The following ARHGAP22 variants were observed in gnomAD, a reference collection of about 807,000 sequenced individuals.
ARHGAP22 encodes Rho GTPase activating protein 22.
ARHGAP22 carries 48 observed loss-of-function variants against 59.1 expected under a neutral mutation model. The ratio of observed to expected loss-of-function variants is 0.81; its 90% CI spans 0.64 to 1.03. The LOEUF (loss-of-function observed/expected upper bound fraction) is 1.03, where lower values mean the gene tolerates loss of function less well. Among genes scored for constraint, ARHGAP22 ranks in the 50% least tolerant of loss-of-function variants. The pLI, the probability that ARHGAP22 is intolerant of heterozygous loss-of-function variation, is 0.00. For missense variants in ARHGAP22, 1,015 were observed against 958.7 expected, an observed-to-expected ratio of 1.06 and a Z score of -0.78; for synonymous variants, 445 against 416.4, an observed-to-expected ratio of 1.07 and a Z score of -0.84.
At chr10:48,645,172 G>A (rs2136184040) in intron 1 of ARHGAP22, among the ~76,000 whole-genome samples, 1 of 152,166 alleles carries the variant, frequency 6.6e-6, no homozygotes, top group South Asian at 2.1e-4. Flanking sequence ...ACATGCACGT[G>A]CCCCCACCTC....
chr10:48,588,995 C>T (rs2059596115), intron 1 of ARHGAP22, among the ~76,000 whole-genome samples: 1 of 152,210 alleles, frequency 6.6e-6, no homozygotes, highest in African/African-American at 2.4e-5. Context: ...AGAAGCTAGC[C>T]TGGCACTTGC....
intron 3 of ARHGAP22, among the ~76,000 whole-genome samples, chr10:48,541,733 G>T (rs2055959714): frequency 1.3e-5 from 2 of 152,232 alleles, no homozygotes; most frequent in Admixed American, 6.5e-5. Context: ...GTCCAGGCAG[G>T]CAGTCCTATT....
downstream of ARHGAP22, among the ~76,000 whole-genome samples, chr10:48,443,292 G>A (rs1038963848): frequency 6.8e-6 from 1 of 146,706 alleles, no homozygotes; most frequent in African/African-American, 2.4e-5. Context: ...GTGAGTTAAT[G>A]TAAAGCTCTC....
intron 2 of ARHGAP22, among the ~76,000 whole-genome samples, chr10:48,561,456 A>C (rs961864177): frequency 6.6e-6 from 1 of 152,212 alleles, no homozygotes; most frequent in African/African-American, 2.4e-5. Context: ...TGGATACAAC[A>C]TCAGAAGCTT....
chr10:48,493,929 A>G (rs1237390317), intron 3 of ARHGAP22, among the ~76,000 whole-genome samples: 1 of 152,216 alleles, frequency 6.6e-6, no homozygotes, highest in East Asian at 1.9e-4. Flanking sequence ...CCCACCAGGT[A>G]TTGGAGATTA....
intron 2 of ARHGAP22, among the ~76,000 whole-genome samples, chr10:48,561,344 T>C (rs1564885587): frequency 6.6e-6 from 1 of 152,130 alleles, no homozygotes; most frequent in East Asian, 1.9e-4. Context: ...ACACCATATA[T>C]AAAAATATAC....
intron 1 of ARHGAP22, among the ~76,000 whole-genome samples, chr10:48,586,549 C>T (rs976921120): frequency 6.6e-6 from 1 of 152,140 alleles, no homozygotes; most frequent in Non-Finnish European, 1.5e-5. Flanking sequence ...CTCTCTGGCC[C>T]CTGGCCCTTT....
At chr10:48,569,498 AAT>A (rs1280590191) in intron 2 of ARHGAP22, among the ~76,000 whole-genome samples, 15 of 152,374 alleles carry the variant, frequency 9.8e-5, no homozygotes, top group Admixed American at 3.3e-4. Flanking sequence ...CAATGAATAA[AAT>A]ATGTTTCCCA....
chr10:48,434,796 A>G, the ARHGAP22 span: 5 of 1,210,186 alleles, frequency 4.1e-6, no homozygotes, highest in Non-Finnish European at 5.6e-6. Context: ...AGAGAAAAAA[A>G]TTACCACTGG....
intron 2 of ARHGAP22, among the ~76,000 whole-genome samples, chr10:48,578,052 G>A (rs1158643718): frequency 3.3e-5 from 5 of 151,946 alleles, no homozygotes; most frequent in African/African-American, 2.4e-5. Context: ...CAAATGATCT[G>A]CCTGCCTTGG....
intron 1 of ARHGAP22, among the ~76,000 whole-genome samples, chr10:48,629,865 A>G (rs1340143394): frequency 6.6e-6 from 1 of 152,060 alleles, no homozygotes; most frequent in African/African-American, 2.4e-5. Flanking sequence ...TCAATCTCTG[A>G]TTTTTTTCCA....
chr10:48,629,481 C>T lies in ARHGAP22; in HGVS notation c.52+22753G>A, dbSNP rs532777870. 7.2e-5 allele frequency among the ~76,000 whole-genome samples: 11 copies of T among 152,330 alleles called. No individual in the cohort carries two copies. In the South Asian group the frequency reaches 2.3e-3, roughly 32 times the overall value. On this transcript the variant is annotated intron_variant, in intron 1 of 9. Transcript: ENST00000435790. ...GTAAAAAGTGTAAGGCCTATCCTTT[C>T]TCCATTGAATTACCTTGGCTCTCAT... is the stretch of plus-strand genomic sequence containing the variant.
intron 1 of ARHGAP22, among the ~76,000 whole-genome samples, chr10:48,629,563 A>C (rs2061560825): frequency 6.6e-6 from 1 of 152,130 alleles, no homozygotes; most frequent in African/African-American, 2.4e-5. Context: ...ATTTGATTCC[A>C]TTCATCCACG....
intron 4 of ARHGAP22, among the ~76,000 whole-genome samples, chr10:48,472,947 A>C (rs1423423082): frequency 1.3e-5 from 2 of 152,236 alleles, no homozygotes; most frequent in African/African-American, 4.8e-5. Context: ...GCTCCTCAAA[A>C]AATTAAAAAT....
rs1414534763 is a variant in ARHGAP22, at chr10:48,459,890, C to A, written c.453G>T (p.Gly151=). 6.2e-6 allele frequency: 10 copies of A among 1,611,584 alleles called. 1 individual carries two copies. In the Admixed American group the frequency reaches 1.7e-4, roughly 27 times the overall value. Residue 151 remains glycine, a splice_region_variant and synonymous_variant, in exon 5 of 10, where the codon GGG becomes GGT. Transcript: ENST00000249601. ...TTTCCTCTAGGCGCTGCCCAAAGAT[C>A]CCTGAGCACAGAGAGGAGCTAGTCA... ...RRVIWAPLGG[G]IFGQRLEETV... is the part of the protein sequence containing the mutation.
rs775938380 is a variant in ARHGAP22, at chr10:48,483,348, C to A, written c.323-3584G>T. Among the ~76,000 whole-genome samples, 221 of 152,234 alleles carry A rather than the reference C, an allele frequency of 1.5e-3. 1 individual carries two copies. The highest frequency in any genetic ancestry group is 3.4e-3 in the Middle Eastern group (1 of 294). On this transcript the variant is annotated intron_variant, in intron 3 of 9. Coordinates refer to ENST00000249601, the MANE Select transcript of ARHGAP22 (RefSeq NM_021226.4). ...CACTGCCAAGGTCTGATTTTTCCCC[C>A]AAAAATTTGCAACCTCCGGCATAAA...
chr10:48,557,381 A>C (rs1265015461), intron 2 of ARHGAP22, among the ~76,000 whole-genome samples: 1 of 152,172 alleles, frequency 6.6e-6, no homozygotes, highest in Non-Finnish European at 1.5e-5. Context: ...GCTTTCTACT[A>C]TAGCTAAATG....
intron 1 of ARHGAP22, among the ~76,000 whole-genome samples, chr10:48,586,354 A>C (rs1433756928): frequency 6.6e-6 from 1 of 152,220 alleles, no homozygotes; most frequent in East Asian, 1.9e-4. Flanking sequence ...CTCACCCAGC[A>C]GGGCAAGCTG....
chr10:48,590,984 G>A (rs1262056093), intron 1 of ARHGAP22, among the ~76,000 whole-genome samples: 1 of 152,158 alleles, frequency 6.6e-6, no homozygotes, highest in Non-Finnish European at 1.5e-5. Flanking sequence ...TGTTCGAATT[G>A]AGGCTCAGAG....
Sources: allele counts gnomAD v4.1 joint callset (sites outside exome capture counted in the v4.1 genomes callset), GRCh38; gene constraint gnomAD v4.1.1; transcripts MANE v1.5; gene names NCBI Gene and HGNC (gene_info 2026-07-23, HGNC 2026-07-21).